C12orf42: variants seen among roughly 807,000 people sequenced by gnomAD.
C12orf42 encodes chromosome 12 open reading frame 42, also known as uncharacterized protein C12orf42.
In C12orf42, 25 loss-of-function variants were observed where a neutral mutation model predicts 21.6. The observed-to-expected ratio is 1.16, with a 90% CI of 0.84 to 1.62. C12orf42 has a LOEUF of 1.62. Ranked by LOEUF, C12orf42 falls within the 40% of genes most tolerant of loss-of-function variation. The pLI, the probability that C12orf42 is intolerant of heterozygous loss-of-function variation, is 0.00. For missense variants in C12orf42, 483 were observed against 459.3 expected (o/e 1.05, Z -0.47); for synonymous variants, 174 against 175.0 (o/e 0.99, Z 0.05).
chr12:103,440,479 A>AAAAG (rs1399209449), intron 2 of C12orf42, among the ~76,000 whole-genome samples: 2 of 142,342 alleles, frequency 1.4e-5, no homozygotes, highest in Non-Finnish European at 1.6e-5. Context: ...AAAAAAAAAA[A>AAAAG]GAAACTCCTA....
downstream of C12orf42, among the ~76,000 whole-genome samples, chr12:103,235,874 C>T (rs1593184625): frequency 2.0e-5 from 3 of 152,140 alleles, no homozygotes; most frequent in East Asian, 5.8e-4. Context: ...AAGACATATG[C>T]ATGCACTAAC....
the C12orf42 span, among the ~76,000 whole-genome samples, chr12:103,189,971 G>GTATATATATA: frequency 1.3e-3 from 194 of 150,876 alleles, no homozygotes; most frequent in East Asian, 8.4e-3. Flanking sequence ...ATATACATGT[G>GTATATATATA]TATATATATA....
the C12orf42 span, among the ~76,000 whole-genome samples, chr12:103,522,449 C>G: frequency 6.6e-6 from 1 of 152,130 alleles, no homozygotes; most frequent in Non-Finnish European, 1.5e-5. Context: ...CCAGCTATGC[C>G]CGGGAGCCAT....
intron 5 of C12orf42, among the ~76,000 whole-genome samples, chr12:103,276,657 G>T (rs753562607): frequency 3.7e-4 from 57 of 152,178 alleles, no homozygotes; most frequent in Non-Finnish European, 6.6e-4. Flanking sequence ...GGTAAGTAAA[G>T]GTGACCAAAA....
At chr12:103,166,076 A>AGAAGGAAGGAAG in the C12orf42 span, among the ~76,000 whole-genome samples, 5,023 of 150,884 alleles carry the variant, frequency 0.033, 105 homozygotes, top group Middle Eastern at 0.055. Context: ...AGAGAGAGAG[A>AGAAGGAAGGAAG]GAAGGAAGGA....
At chr12:103,169,159 TATAAATAAATAAATAAATAAATAA>T in the C12orf42 span, among the ~76,000 whole-genome samples, 1 of 145,462 alleles carries the variant, frequency 6.9e-6, no homozygotes, top group Non-Finnish European at 1.5e-5. Context: ...TAAAGTATAA[TATAAATAAATAAATAAATAAATAA>T]ATAAATAAAT....
chr12:103,248,379 C>G (rs528879779), intron 10 of C12orf42, among the ~76,000 whole-genome samples: 83 of 152,096 alleles, frequency 5.5e-4, no homozygotes, highest in African/African-American at 1.9e-3. Flanking sequence ...TAGTAAAGTA[C>G]TCAAAATAAT....
At chr12:103,402,338 T>G (rs996708891) in intron 2 of C12orf42, among the ~76,000 whole-genome samples, 4 of 152,238 alleles carry the variant, frequency 2.6e-5, no homozygotes, top group African/African-American at 9.6e-5. Context: ...TGAAGCTTAC[T>G]TGCAATTTTA....
At chr12:103,202,666 A>G in the C12orf42 span, among the ~76,000 whole-genome samples, 1 of 152,112 alleles carries the variant, frequency 6.6e-6, no homozygotes, top group South Asian at 2.1e-4. Flanking sequence ...CAATATAAGG[A>G]GCATTGCTTC....
At chr12:103,435,686 A>C (rs1950641129) in intron 2 of C12orf42, among the ~76,000 whole-genome samples, 1 of 151,378 alleles carries the variant, frequency 6.6e-6, no homozygotes, top group Non-Finnish European at 1.5e-5. Flanking sequence ...TGAAGCGAGA[A>C]GGGAAGTTTA....
chr12:103,273,861 T>C (rs2035607605), intron 5 of C12orf42: 2 of 456,184 alleles, frequency 4.4e-6, no homozygotes, highest in Non-Finnish European at 8.8e-6. Flanking sequence ...TCACAGCAGG[T>C]CTCCTCATAG....
the C12orf42 span, among the ~76,000 whole-genome samples, chr12:103,122,383 A>G: frequency 6.6e-6 from 1 of 151,974 alleles, no homozygotes; most frequent in Middle Eastern, 3.4e-3. Flanking sequence ...TTCAGCCATT[A>G]TTGTATTCAT....
chr12:103,179,676 A>G, the C12orf42 span, among the ~76,000 whole-genome samples: 1 of 152,174 alleles, frequency 6.6e-6, no homozygotes, highest in African/African-American at 2.4e-5. Context: ...AATTAGAAAT[A>G]TGAGGGGATC....
chr12:103,424,245 G>A (rs1436555835), intron 2 of C12orf42, among the ~76,000 whole-genome samples: 2 of 152,190 alleles, frequency 1.3e-5, no homozygotes, highest in African/African-American at 2.4e-5. Context: ...ATGAATCTAC[G>A]AACTGAATCT....
chr12:103,471,045 G>C (rs1273863527), intron 2 of C12orf42, among the ~76,000 whole-genome samples: 4 of 152,134 alleles, frequency 2.6e-5, no homozygotes, highest in Non-Finnish European at 5.9e-5. Flanking sequence ...TTATACTCCT[G>C]TGTTCTGGGG....
At chr12:103,108,664 G>A in the C12orf42 span, among the ~76,000 whole-genome samples, 1 of 152,074 alleles carries the variant, frequency 6.6e-6, no homozygotes, top group South Asian at 2.1e-4. Flanking sequence ...ATTGATAGAA[G>A]CATTTCCTTC....
At chr12:103,458,085 G>T (rs1393707665) in intron 2 of C12orf42, among the ~76,000 whole-genome samples, 1 of 152,004 alleles carries the variant, frequency 6.6e-6, no homozygotes, top group Non-Finnish European at 1.5e-5. Flanking sequence ...ATCTAGACAG[G>T]GCAATTAAAG....
At chr12:103,369,041 A>G (rs376406831) in intron 3 of C12orf42, 43 bp from the exon 4 acceptor site, 1 of 1,068,280 alleles carries the variant, frequency 9.4e-7, no homozygotes, top group Non-Finnish European at 1.4e-6. Context: ...AAATTAGGTC[A>G]ATGGCTCCAG....
the C12orf42 span, among the ~76,000 whole-genome samples, chr12:103,066,051 C>G: frequency 6.6e-6 from 1 of 152,136 alleles, no homozygotes; most frequent in Non-Finnish European, 1.5e-5. Context: ...GCAGGCCCCC[C>G]TAGGTGAATC....
Sources: allele counts gnomAD v4.1 joint callset (sites outside exome capture counted in the v4.1 genomes callset), GRCh38; gene constraint gnomAD v4.1.1; transcripts MANE v1.5; gene names NCBI Gene and HGNC (gene_info 2026-07-23, HGNC 2026-07-21).